Variants in EIF4ENIF1 observed in about 807,000 individuals in gnomAD.
EIF4ENIF1 encodes the protein eukaryotic translation initiation factor 4E transporter.
In EIF4ENIF1, 23 loss-of-function variants were observed where a neutral mutation model predicts 110.5. The ratio of observed to expected loss-of-function variants is 0.21; its 90% CI spans 0.15 to 0.29. The LOEUF (loss-of-function observed/expected upper bound fraction) is 0.29, where lower values mean the gene tolerates loss of function less well. Among genes scored for constraint, EIF4ENIF1 ranks in the 10% least tolerant of loss-of-function variants. EIF4ENIF1 has a pLI of 1.00. For synonymous variants in EIF4ENIF1, 440 were observed against 437.0 expected (o/e 1.01, Z -0.09); for missense variants, 1,031 against 1,221.1 (o/e 0.84, Z 2.32).
At chr22:31,441,039 G>A (rs2050277931) in intron 17 of EIF4ENIF1, among the ~76,000 whole-genome samples, 171 bp from the exon 18 acceptor site, 1 of 151,966 alleles carries the variant, frequency 6.6e-6, no homozygotes, top group Non-Finnish European at 1.5e-5. Context: ...GGCGGACCAC[G>A]AGGTCAGGAG....
chr22:31,464,635 C>A lies in EIF4ENIF1; in HGVS notation c.299-668G>T, dbSNP rs796947224. Among the ~76,000 whole-genome samples the A allele has an allele frequency of 1.9e-4, 25 of 129,230 alleles. 1 individual carries two copies. The highest frequency in any genetic ancestry group is 1.9e-3 in the East Asian group (8 of 4,258). The allele number at this position is 129,230 out of a possible 152,430, so 84.8% of individuals were successfully genotyped here. A position where few individuals can be genotyped will look rare whatever the true frequency, so the allele number is the denominator to read the frequency against. On this transcript the variant is annotated intron_variant, in intron 4 of 18. Coordinates refer to ENST00000330125, the MANE Select transcript of EIF4ENIF1 (RefSeq NM_019843.4). ...GAGGTTGCAGTAGCAGAAGTCACCCCGCTACACTGTAGCCTGGGCAAAAGA... is the reference window on the plus strand; with the variant it reads ...GAGGTTGCAGTAGCAGAAGTCACCCAGCTACACTGTAGCCTGGGCAAAAGA...
chr22:31,468,610 G>T (rs529436832), intron 3 of EIF4ENIF1, among the ~76,000 whole-genome samples: 8 of 152,230 alleles, frequency 5.3e-5, no homozygotes, highest in African/African-American at 1.9e-4. Flanking sequence ...GCCAGGCCAG[G>T]TCTCTAACTC....
chr22:31,489,454 G>A (rs2052178167), intron 1 of EIF4ENIF1: 1 of 151,606 alleles, frequency 6.6e-6, no homozygotes, highest in Non-Finnish European at 1.5e-5. Flanking sequence ...CTTCAAGCTG[G>A]AGCTAGCGCA....
At chr22:31,456,380 C>T (rs12484812) in intron 7 of EIF4ENIF1, among the ~76,000 whole-genome samples, 5,179 of 151,680 alleles carry the variant, frequency 0.034, 232 homozygotes, top group East Asian at 0.13. Context: ...CCTGCCACCA[C>T]GCCCGGCTAA....
At chr22:31,444,801 C>G (rs2050410785) in intron 14 of EIF4ENIF1, 111 bp from the exon 15 acceptor site, 1 of 993,368 alleles carries the variant, frequency 1.0e-6, no homozygotes, top group Non-Finnish European at 1.6e-6. Context: ...TTTCCCTTAT[C>G]CAATTCAATT....
intron 2 of EIF4ENIF1, 151 bp downstream of exon 2, chr22:31,488,472 T>C: frequency 1.6e-6 from 2 of 1,247,530 alleles, no homozygotes; most frequent in African/African-American, 1.5e-5. Context: ...CAGAAAAATG[T>C]TCAAAGTAAT....
chr22:31,437,370 G>C (rs1416752808), downstream of EIF4ENIF1: 1 of 151,922 alleles, frequency 6.6e-6, no homozygotes, highest in African/African-American at 2.4e-5. Flanking sequence ...TTTCTCCAAA[G>C]ACATCCCTTC....
At chr22:31,449,881 C>G (rs1021087649) in intron 11 of EIF4ENIF1, among the ~76,000 whole-genome samples, 3 of 152,014 alleles carry the variant, frequency 2.0e-5, no homozygotes, top group Non-Finnish European at 4.4e-5. Context: ...CAGGCATGTG[C>G]CACCACACCA....
rs554447912 is a variant in EIF4ENIF1 at position 31,453,984 on chromosome 22, A to G, written c.1512+160T>C. On this transcript the variant is annotated intron_variant, in intron 10 of 18. Transcript: ENST00000330125. The stretch of plus-strand genomic sequence containing the variant: ...CCTGCTTTTTCCAGTAACAAATAGC[A>G]TATCAATAATTAAGGAACACACAAA... 8.5e-5 allele frequency among the ~76,000 whole-genome samples: 13 copies of G among 152,348 alleles called. No homozygotes were observed. The East Asian group carries it at 1.9e-3, about 23-fold the overall frequency.
Position 31,448,187 on chromosome 22 carries a change from C to T in EIF4ENIF1, c.1814G>A (p.Gly605Asp). 1.2e-6 allele frequency: 2 copies of T among 1,614,132 alleles called. No homozygotes were observed. The highest frequency in any genetic ancestry group is 1.7e-6 in the Non-Finnish European group (2 of 1,179,996). ...PQQLLGDPFQGMRKPMSPITA... is the reference protein window; with the variant it reads ...PQQLLGDPFQDMRKPMSPITA... Reference sequence around the variant, plus strand: ...GATGGGGCTCATGGGTTTGCGCATGCCTTGGAATGGATCTCCGAGTAGCTG... The same window carrying T: ...GATGGGGCTCATGGGTTTGCGCATGTCTTGGAATGGATCTCCGAGTAGCTG... The change falls in exon 13 of 19, where the codon GGC (glycine) becomes GAC (aspartate). Residue 605 changes from glycine (G) to aspartate (D), a missense_variant. By Grantham distance (94) the Gly-to-Asp change is moderately conservative. Around this residue, in one of 3 missense-constraint regions of EIF4ENIF1, gnomAD observed 704 missense variants for 879.7 expected, o/e 0.80. Transcript: ENST00000330125.
At chr22:31,491,931 TA>T (rs1224137696), upstream of EIF4ENIF1, among the ~76,000 whole-genome samples, 1 of 152,208 alleles carries the variant, frequency 6.6e-6, no homozygotes. Flanking sequence ...GAATTCCAAT[TA>T]TATTTTGCTC....
In EIF4ENIF1 at chr22:31,463,111, C is replaced by T. The variant is rs761491080; in HGVS notation, c.608G>A (p.Arg203His). ...RFRREFGDSK[R>H]VFGERRRNDS... The stretch of plus-strand genomic sequence containing the variant: ...ATTTCTTCTACGCTCACCAAAGACA[C>T]GCTTACTATCTCCAAACTCTCTCTG... Residue 203 changes from arginine to histidine, a missense_variant, in exon 6 of 19, where the codon CGT (arginine) becomes CAT (histidine). By Grantham distance (29) the Arg-to-His change is conservative. Coordinates refer to ENST00000330125, the MANE Select transcript of EIF4ENIF1 (RefSeq NM_019843.4). The T allele has an allele frequency of 1.3e-5, 21 of 1,613,900 alleles. No individual in the cohort carries two copies. Among genetic ancestry groups the T allele is most frequent in the Middle Eastern group, 3.3e-4 (2 of 6,074 alleles).
chr22:31,472,154 T>C (rs186943273), intron 2 of EIF4ENIF1, among the ~76,000 whole-genome samples: 1 of 152,332 alleles, frequency 6.6e-6, no homozygotes, highest in Admixed American at 6.5e-5. Flanking sequence ...ATAATTGCTA[T>C]TGAATAACAT....
chr22:31,477,546 T>C (rs2051635594), intron 2 of EIF4ENIF1, among the ~76,000 whole-genome samples: 1 of 152,140 alleles, frequency 6.6e-6, no homozygotes, highest in African/African-American at 2.4e-5. Flanking sequence ...CGTATTCCAG[T>C]TTTCGTTGTT....
intron 10 of EIF4ENIF1, among the ~76,000 whole-genome samples, chr22:31,451,761 G>A (rs1177863258): frequency 6.6e-6 from 1 of 151,218 alleles, no homozygotes; most frequent in Non-Finnish European, 1.5e-5. Context: ...CACGTAGCTC[G>A]AACTATAGGT....
At chr22:31,450,839 T>TACC (rs2050635430) in intron 10 of EIF4ENIF1, 2 of 142,324 alleles carry the variant, frequency 1.4e-5, no homozygotes, top group African/African-American at 6.0e-5. Flanking sequence ...CACATATATA[T>TACC]ATACTACACA....
chr22:31,446,829 C>T, intron 14 of EIF4ENIF1: 4 of 281,824 alleles, frequency 1.4e-5, no homozygotes, highest in African/African-American at 2.3e-5. Flanking sequence ...CACTCCTTTC[C>T]CTTTTCTCCC....
rs749374120 is a variant in EIF4ENIF1 at position 31,458,621 on chromosome 22, C to T, written c.817G>A (p.Glu273Lys). ...AGGATGACCTCCACTTCATCCTCTT[C>T]GGCCACTCCTCCATTGCACTCTACT... ...GIVECNGGVA[E>K]EDEVEVILAQ... Residue 273 changes from glutamate to lysine, a missense_variant, in exon 7 of 19, where the codon GAA (glutamate) becomes AAA (lysine). Around this residue, in one of 3 missense-constraint regions of EIF4ENIF1, gnomAD observed 704 missense variants for 879.7 expected, o/e 0.80. Coordinates refer to ENST00000330125, the MANE Select transcript of EIF4ENIF1 (RefSeq NM_019843.4). 2.6e-5 allele frequency: 42 copies of T among 1,609,006 alleles called. No individual in the cohort carries two copies. Among genetic ancestry groups the T allele is most frequent in the Non-Finnish European group, 3.1e-5 (37 of 1,177,628 alleles).
At chr22:31,465,144 T>C (rs1301502989) in intron 4 of EIF4ENIF1, among the ~76,000 whole-genome samples, 1 of 151,744 alleles carries the variant, frequency 6.6e-6, no homozygotes, top group Non-Finnish European at 1.5e-5. Context: ...ACCAACATGG[T>C]GAAACCTCGT....
Sources: gnomAD v4.1 joint callset for allele counts (sites outside exome capture counted in the v4.1 genomes callset) on GRCh38, gnomAD v4.1.1 for gene constraint, gnomAD v4.1.1 regional missense constraint, MANE v1.5 for transcripts, NCBI Gene and HGNC (gene_info 2026-07-23, HGNC 2026-07-21) for gene names.